Variants in PTPRD observed in about 807,000 individuals in gnomAD.
PTPRD encodes receptor-type tyrosine-protein phosphatase delta.
PTPRD carries 34 observed loss-of-function variants against 214.5 expected under a neutral mutation model. The observed-to-expected ratio is 0.16, with a 90% CI of 0.12 to 0.21. The LOEUF (loss-of-function observed/expected upper bound fraction) is 0.21, where lower values mean the gene tolerates loss of function less well. Ranked by LOEUF, PTPRD falls within the 10% of genes least tolerant of loss-of-function variation. The pLI is 1.00. For missense variants in PTPRD, 2,545 were observed against 2,398.7 expected (o/e 1.06, Z -1.27); for synonymous variants, 1,128 against 845.7 (o/e 1.33, Z -5.79).
At position 8,964,199 on chromosome 9, in the gene PTPRD, T is replaced by TG. The variant is rs1331012775; in HGVS notation, c.-104+54497_-104+54498insC. ...TATCTAGTTCAGGGCTGTGTTTTTT[T>TG]TTTTTTTTTTTTTTTTTTGCTGATT... On this transcript the variant is annotated intron_variant, in intron 11 of 45. Coordinates refer to ENST00000381196, the MANE Select transcript of PTPRD (RefSeq NM_002839.4). Among the ~76,000 whole-genome samples the TG allele has an allele frequency of 4.6e-4, 65 of 142,306 alleles. 4 individuals carry two copies. Among genetic ancestry groups the TG allele is most frequent in the African/African-American group, 1.6e-3 (63 of 38,764 alleles). 93.4% of individuals were successfully genotyped at this position (142,306 alleles called of 152,430 possible).
chr9:8,620,741 G>A (rs2095796308), intron 14 of PTPRD, among the ~76,000 whole-genome samples: 1 of 151,904 alleles, frequency 6.6e-6, no homozygotes, highest in Admixed American at 6.6e-5. Flanking sequence ...GTACCAAGAT[G>A]TTCTCCATAA....
At chr9:8,461,596 C>A (rs1005130323) in intron 32 of PTPRD, among the ~76,000 whole-genome samples, 3 of 151,622 alleles carry the variant, frequency 2.0e-5, no homozygotes, top group South Asian at 2.1e-4. Flanking sequence ...TCCAAACCAC[C>A]ATTGGTCCTA....
At chr9:9,204,398 T>A (rs2099943590) in intron 9 of PTPRD, among the ~76,000 whole-genome samples, 2 of 152,170 alleles carry the variant, frequency 1.3e-5, no homozygotes, top group African/African-American at 4.8e-5. Flanking sequence ...ATGGATGATG[T>A]TAATCTACTA....
At chr9:9,094,630 A>C (rs1013629126) in intron 10 of PTPRD, among the ~76,000 whole-genome samples, 1 of 152,158 alleles carries the variant, frequency 6.6e-6, no homozygotes, top group Non-Finnish European at 1.5e-5. Context: ...GGAAGAACTT[A>C]TCCATGTAAC....
intron 10 of PTPRD, among the ~76,000 whole-genome samples, chr9:9,142,259 C>G (rs960702180): frequency 6.6e-6 from 1 of 152,192 alleles, no homozygotes; most frequent in East Asian, 1.9e-4. Context: ...AACTCTGATG[C>G]CTCCCTCCTG....
intron 10 of PTPRD, among the ~76,000 whole-genome samples, chr9:9,056,652 G>C (rs185036296): frequency 1.3e-5 from 2 of 152,274 alleles, no homozygotes; most frequent in African/African-American, 4.8e-5. Flanking sequence ...GGGCAGTAAT[G>C]GTTTTTTGGG....
chr9:8,960,644 G>A (rs77632182), intron 11 of PTPRD, among the ~76,000 whole-genome samples: 514 of 152,220 alleles, frequency 3.4e-3, no homozygotes, highest in Non-Finnish European at 5.7e-3. Flanking sequence ...TAGTCCTGAG[G>A]CAGTGACTCT....
At position 8,466,921 on chromosome 9, in the gene PTPRD, T is replaced by C. The variant is rs528900109; in HGVS notation, c.3505-1246A>G. ...CCTGGCATGATCAAGGCTAGGCTTC[T>C]GTGATAAAATGGCTTCAGACTGTAT... On this transcript the variant is annotated intron_variant, in intron 31 of 45. Transcript: ENST00000381196. Among the ~76,000 whole-genome samples, 7 of 151,996 alleles carry C rather than the reference T, an allele frequency of 4.6e-5. No individual in the cohort carries two copies. In the South Asian group the frequency reaches 6.2e-4, roughly 13 times the overall value.
intron 11 of PTPRD, among the ~76,000 whole-genome samples, chr9:8,748,586 T>C (rs1400455582): frequency 6.7e-6 from 1 of 149,886 alleles, no homozygotes; most frequent in Non-Finnish European, 1.5e-5. Context: ...TTCCCGTAAT[T>C]GTCACTAGGG....
chr9:8,460,848 A>G (rs1398300471), intron 32 of PTPRD, among the ~76,000 whole-genome samples: 6 of 152,092 alleles, frequency 3.9e-5, no homozygotes, highest in African/African-American at 1.4e-4. Flanking sequence ...TGGGCTTTCT[A>G]TATGGTGTAT....
At chr9:9,837,551 C>T (rs1464356655) in intron 5 of PTPRD, among the ~76,000 whole-genome samples, 2 of 152,070 alleles carry the variant, frequency 1.3e-5, no homozygotes, top group East Asian at 1.9e-4. Flanking sequence ...TAGGTTTAAG[C>T]AACCAGTCTT....
At chr9:10,481,184 A>T (rs1279305869) in intron 2 of PTPRD, among the ~76,000 whole-genome samples, 1 of 152,182 alleles carries the variant, frequency 6.6e-6, no homozygotes, top group Admixed American at 6.5e-5. Flanking sequence ...ATCCAGTGGC[A>T]GGGGTAGTTA....
At chr9:9,285,422 A>G (rs1156637184) in intron 9 of PTPRD, among the ~76,000 whole-genome samples, 1 of 151,708 alleles carries the variant, frequency 6.6e-6, no homozygotes, top group African/African-American at 2.4e-5. Flanking sequence ...TTCTCAAACT[A>G]TCACTCAATA....
At chr9:9,476,102 T>C (rs2146806802) in intron 8 of PTPRD, among the ~76,000 whole-genome samples, 1 of 152,326 alleles carries the variant, frequency 6.6e-6, no homozygotes, top group East Asian at 1.9e-4. Context: ...TAATCTTTCA[T>C]CTTTTGGTGA....
At chr9:9,221,276 G>A (rs1224015271) in intron 9 of PTPRD, among the ~76,000 whole-genome samples, 1 of 152,088 alleles carries the variant, frequency 6.6e-6, no homozygotes, top group East Asian at 1.9e-4. Context: ...GACATGATCA[G>A]GATAGAATTC....
chr9:10,553,026 C>T (rs1435987820), intron 2 of PTPRD, among the ~76,000 whole-genome samples: 1 of 152,126 alleles, frequency 6.6e-6, no homozygotes, highest in Non-Finnish European at 1.5e-5. Flanking sequence ...CACAAGAATT[C>T]AGCTGAGGCA....
intron 9 of PTPRD, among the ~76,000 whole-genome samples, chr9:9,371,611 C>T (rs2059519457): frequency 6.6e-6 from 1 of 152,130 alleles, no homozygotes; most frequent in Non-Finnish European, 1.5e-5. Context: ...TCTCTATCTC[C>T]TTCAGTTCTG....
chr9:9,654,387 CTAAGTA>C (rs1375969217), intron 7 of PTPRD, among the ~76,000 whole-genome samples: 7 of 151,886 alleles, frequency 4.6e-5, no homozygotes, highest in African/African-American at 1.7e-4. Flanking sequence ...ATACACATGT[CTAAGTA>C]TGTTTGCAAA....
chr9:8,872,860 A>C (rs943870985), intron 11 of PTPRD, among the ~76,000 whole-genome samples: 3 of 152,248 alleles, frequency 2.0e-5, no homozygotes, highest in Non-Finnish European at 2.9e-5. Context: ...CATTTCAATA[A>C]GGACCCAAAC....
Sources: gnomAD v4.1 joint callset for allele counts (sites outside exome capture counted in the v4.1 genomes callset) on GRCh38, gnomAD v4.1.1 for gene constraint, MANE v1.5 for transcripts, NCBI Gene and HGNC (gene_info 2026-07-23, HGNC 2026-07-21) for gene names.